The following PSPH variants were observed in gnomAD, a reference collection of about 807,000 sequenced individuals.
PSPH encodes the protein phosphoserine phosphatase.
PSPH carries 16 observed loss-of-function variants against 23.4 expected under a neutral mutation model. The observed-to-expected ratio is 0.68, with a 90% CI of 0.46 to 1.04. The LOEUF (loss-of-function observed/expected upper bound fraction) is 1.04. Among genes scored for constraint, PSPH ranks in the 50% least tolerant of loss-of-function variants. The probability of loss-of-function intolerance (pLI) is 0.00; values close to 1 mark genes in which losing one functional copy is unlikely to be tolerated. For missense variants in PSPH, 223 were observed against 273.7 expected, an observed-to-expected ratio of 0.81 and a Z score of 1.31; for synonymous variants, 68 against 99.7, an observed-to-expected ratio of 0.68 and a Z score of 1.89.
chr7:56,043,575 G>A (rs1792830100), intron 1 of PSPH, among the ~76,000 whole-genome samples: 1 of 152,058 alleles, frequency 6.6e-6, no homozygotes, highest in Admixed American at 6.6e-5. Context: ...CTAGCACTTT[G>A]GGAGGCCAAG....
In PSPH at chr7:56,011,723, A is replaced by T. The variant is rs754189028; in HGVS notation, c.*39T>A. 6.6e-7 allele frequency: 1 copy of T among 1,510,258 alleles called. No individual in the cohort carries two copies. Among genetic ancestry groups the T allele is most frequent in the Non-Finnish European group, 9.2e-7 (1 of 1,085,778 alleles). 93.6% of individuals were successfully genotyped at this position (1,510,258 alleles called of 1,614,324 possible). A position where few individuals can be genotyped will look rare whatever the true frequency, so the allele number is the denominator to read the frequency against. Reference sequence around the variant, plus strand: ...GTATCAATCTGTATAACTTGTAAAAATTCATCTGAAGTTGTTTGGAGCTGT... The same window carrying T: ...GTATCAATCTGTATAACTTGTAAAATTTCATCTGAAGTTGTTTGGAGCTGT... On this transcript the variant is annotated 3_prime_UTR_variant, in exon 8 of 8. Coordinates refer to ENST00000275605, the MANE Select transcript of PSPH (RefSeq NM_004577.4).
At chr7:56,025,780 G>C (rs1035713188) in intron 3 of PSPH, among the ~76,000 whole-genome samples, 4 of 152,142 alleles carry the variant, frequency 2.6e-5, no homozygotes, top group African/African-American at 9.7e-5. Flanking sequence ...TTTGAGTAGA[G>C]ACAAGGTTTC....
Position 56,011,878 on chromosome 7 carries a change from GAAGAA to G in PSPH, c.571-14_571-10del. On this transcript the variant is annotated splice_polypyrimidine_tract_variant and intron_variant, in intron 7 of 7. Coordinates refer to ENST00000275605, the MANE Select transcript of PSPH (RefSeq NM_004577.4). ...AATCCAATGAAAGCATCCTAAGAAGGAAGAAAAGAGAGAGAAATGATTTTTATTTT... is the reference window on the plus strand; with the variant it reads ...AATCCAATGAAAGCATCCTAAGAAGGAAGAGAGAGAAATGATTTTTATTTT... 6.3e-7 allele frequency: 1 copy of G among 1,575,262 alleles called. No homozygotes were observed. The highest frequency in any genetic ancestry group is 8.7e-7 in the Non-Finnish European group (1 of 1,145,418).
intron 2 of PSPH, chr7:56,033,254 G>A (rs1791268698): frequency 6.6e-6 from 1 of 152,092 alleles, no homozygotes; most frequent in African/African-American, 2.4e-5. Flanking sequence ...CACTTTGGGA[G>A]GCAGAGGTGG....
chr7:56,025,092 C>T (rs1196633332), intron 3 of PSPH, among the ~76,000 whole-genome samples: 1 of 152,008 alleles, frequency 6.6e-6, no homozygotes, highest in Non-Finnish European at 1.5e-5. Flanking sequence ...GTGTGAGCCA[C>T]CGTGCCCTAC....
rs1344494652 is a variant in PSPH at position 56,031,918 on chromosome 7, A to G, written c.-20+11T>C. 6.5e-6 allele frequency: 1 copy of G among 153,264 alleles called. No individual in the cohort carries two copies. The highest frequency in any genetic ancestry group is 6.6e-5 in the Admixed American group (1 of 15,242). The allele number at this position is 153,264 out of a possible 1,614,324, so 9.5% of individuals were successfully genotyped here. ...CCAAAACAAAACCAAGAAAAGGCAAATCAGACTCACGTTTCTCCAGTGCTA... is the reference window on the plus strand; with the variant it reads ...CCAAAACAAAACCAAGAAAAGGCAAGTCAGACTCACGTTTCTCCAGTGCTA... On this transcript the variant is annotated intron_variant, in intron 3 of 7. Coordinates refer to ENST00000275605, the MANE Select transcript of PSPH (RefSeq NM_004577.4).
At chr7:56,032,329 GAA>G (rs1791105180) in intron 2 of PSPH, among the ~76,000 whole-genome samples, 1 of 152,104 alleles carries the variant, frequency 6.6e-6, no homozygotes, top group African/African-American at 2.4e-5. Context: ...AAGGGAGAGG[GAA>G]AGAGAATCTC....
chr7:56,047,669 C>A (rs1793431691), intron 1 of PSPH, among the ~76,000 whole-genome samples: 1 of 138,494 alleles, frequency 7.2e-6, no homozygotes, highest in Non-Finnish European at 1.6e-5. Context: ...GAATAACCTG[C>A]TTTTTTTTTT....
chr7:56,050,147 G>T (rs1229290765), intron 1 of PSPH, among the ~76,000 whole-genome samples: 1 of 152,056 alleles, frequency 6.6e-6, no homozygotes, highest in Non-Finnish European at 1.5e-5. Context: ...CACATATATA[G>T]ATGTTTTTGT....
chr7:56,039,922 C>T (rs538769698), intron 1 of PSPH, among the ~76,000 whole-genome samples: 33 of 151,516 alleles, frequency 2.2e-4, no homozygotes, highest in African/African-American at 7.7e-4. Flanking sequence ...CATGGTGAAA[C>T]CCCGTATCTA....
chr7:56,025,488 G>A (rs1790062159), intron 3 of PSPH, among the ~76,000 whole-genome samples: 1 of 151,708 alleles, frequency 6.6e-6, no homozygotes, highest in South Asian at 2.1e-4. Context: ...CAAACTTTTG[G>A]GCTAAAATGA....
chr7:56,040,994 C>T (rs1257182409), intron 1 of PSPH, among the ~76,000 whole-genome samples: 1 of 152,106 alleles, frequency 6.6e-6, no homozygotes, highest in South Asian at 2.1e-4. Context: ...AGTTAAGGTC[C>T]CAACACCCAG....
chr7:56,029,958 G>A (rs1368447635), intron 3 of PSPH, among the ~76,000 whole-genome samples: 1 of 133,386 alleles, frequency 7.5e-6, no homozygotes. Context: ...TAGCCTGGGC[G>A]ACAGAGCGAG....
chr7:56,025,853 C>CA (rs1207814549), intron 3 of PSPH, among the ~76,000 whole-genome samples: 2 of 152,244 alleles, frequency 1.3e-5, no homozygotes, highest in African/African-American at 4.8e-5. Context: ...CTTGGCCTCC[C>CA]AAAAGTGCTG....
intron 3 of PSPH, among the ~76,000 whole-genome samples, chr7:56,030,925 T>C (rs1167894934): frequency 7.2e-6 from 1 of 138,936 alleles, no homozygotes; most frequent in African/African-American, 2.7e-5. Flanking sequence ...AACAAAAAAC[T>C]GAGGGGCCGG....
At chr7:56,049,216 G>C (rs193128022) in intron 1 of PSPH, among the ~76,000 whole-genome samples, 1 of 151,348 alleles carries the variant, frequency 6.6e-6, no homozygotes, top group African/African-American at 2.4e-5. Context: ...AAGCCACTGC[G>C]TCCAGCCCCC....
intron 1 of PSPH, among the ~76,000 whole-genome samples, chr7:56,040,773 C>G (rs1369835636): frequency 6.6e-6 from 1 of 151,980 alleles, no homozygotes; most frequent in Non-Finnish European, 1.5e-5. Context: ...GGAAGAGGCA[C>G]ATGCAGATCC....
chr7:56,039,826 C>CAGTA (rs1792272135), intron 1 of PSPH, among the ~76,000 whole-genome samples: 1 of 147,360 alleles, frequency 6.8e-6, no homozygotes, highest in South Asian at 2.2e-4. Flanking sequence ...TGGCTGGGCG[C>CAGTA]AGTAGCTCAC....
chr7:56,040,350 A>G (rs963892432), intron 1 of PSPH, among the ~76,000 whole-genome samples: 2 of 150,640 alleles, frequency 1.3e-5, no homozygotes, highest in Non-Finnish European at 2.9e-5. Context: ...CTATGTCTAT[A>G]TATCTATATA....
Sources: allele counts gnomAD v4.1 joint callset (sites outside exome capture counted in the v4.1 genomes callset), GRCh38; gene constraint gnomAD v4.1.1; transcripts MANE v1.5; gene names NCBI Gene and HGNC (gene_info 2026-07-23, HGNC 2026-07-21).